ETS1: variants seen among roughly 807,000 people sequenced by gnomAD.
The protein encoded by ETS1 is ETS proto-oncogene 1, transcription factor, also known as protein C-ets-1.
In ETS1, 15 loss-of-function variants were observed where a neutral mutation model predicts 58.6. That is an observed-to-expected ratio of 0.26 (90% CI 0.17 to 0.39). ETS1 has a LOEUF of 0.39. Among genes scored for constraint, ETS1 ranks in the 10% least tolerant of loss-of-function variants. The pLI, the probability that ETS1 is intolerant of heterozygous loss-of-function variation, is 1.00. For missense variants in ETS1, 417 were observed against 610.5 expected (o/e 0.68, Z 3.34); for synonymous variants, 214 against 218.2 (o/e 0.98, Z 0.17).
In ETS1 at chr11:128,586,606, G is replaced by A. The variant is rs188092357; in HGVS notation, c.-15+882C>T. Among the ~76,000 whole-genome samples, 95 of 152,238 alleles carry A rather than the reference G, an allele frequency of 6.2e-4. No homozygotes were observed. In the Middle Eastern group the frequency reaches 0.02, roughly 33 times the overall value. On this transcript the variant is annotated intron_variant, in intron 1 of 9. Coordinates refer to ENST00000392668, the MANE Select transcript of ETS1 (RefSeq NM_001143820.2). ...CATGGCAGTGGTCTAAAGTAAGAAG[G>A]AAAATGGACTTGAGATTAAAAACAA...
chr11:128,566,708 G>A (rs1864507825), intron 2 of ETS1, among the ~76,000 whole-genome samples: 1 of 151,942 alleles, frequency 6.6e-6, no homozygotes. Flanking sequence ...GCGTGAATCT[G>A]GGGGGCAGAG....
intron 3 of ETS1, among the ~76,000 whole-genome samples, chr11:128,531,147 A>T (rs1373692716): frequency 6.6e-6 from 1 of 152,220 alleles, no homozygotes; most frequent in Admixed American, 6.5e-5. Flanking sequence ...GCAACATAGT[A>T]GAGTGGGTTA....
In ETS1 at chr11:128,496,961, TA is replaced by T. The variant is rs1345069552; in HGVS notation, c.215-6386del. On this transcript the variant is annotated intron_variant, in intron 3 of 9. Coordinates refer to ENST00000392668, the MANE Select transcript of ETS1 (RefSeq NM_001143820.2). Reference sequence around the variant, plus strand: ...CTTGGCTCCAGCAAGAGTGAAGCAATAAATGACTCAGTGCCCATGCTGAGGC... The same window carrying T: ...CTTGGCTCCAGCAAGAGTGAAGCAATAATGACTCAGTGCCCATGCTGAGGC... Among the ~76,000 whole-genome samples, 4 of 152,094 alleles carry T rather than the reference TA, an allele frequency of 2.6e-5. No homozygotes were observed. In the East Asian group the frequency reaches 7.7e-4, roughly 29 times the overall value.
intron 2 of ETS1, among the ~76,000 whole-genome samples, chr11:128,557,866 G>A (rs556333718): frequency 3.2e-4 from 48 of 152,266 alleles, no homozygotes; most frequent in Middle Eastern, 3.4e-3. Context: ...GAGAACTTAC[G>A]TCTTCTCTTC....
At chr11:128,573,217 A>G (rs1254454952) in intron 1 of ETS1, 73 bp from the exon 2 acceptor site, 2 of 1,086,900 alleles carry the variant, frequency 1.8e-6, no homozygotes, top group South Asian at 2.7e-5. Flanking sequence ...CAAGGAAGAC[A>G]CGAACCTTAG....
At chr11:128,466,824 A>G (rs1354906691) in intron 8 of ETS1, among the ~76,000 whole-genome samples, 1 of 152,118 alleles carries the variant, frequency 6.6e-6, no homozygotes, top group Non-Finnish European at 1.5e-5. Flanking sequence ...TAGGAAAAGC[A>G]GATACCTAAA....
At chr11:128,561,537 A>G (rs1045896409) in intron 2 of ETS1, among the ~76,000 whole-genome samples, 14 of 152,208 alleles carry the variant, frequency 9.2e-5, no homozygotes, top group Non-Finnish European at 1.6e-4. Flanking sequence ...TGCCTCACTC[A>G]CCTCACTGTA....
At chr11:128,529,121 GAT>G (rs1323191946) in intron 3 of ETS1, 1 of 152,186 alleles carries the variant, frequency 6.6e-6, no homozygotes, top group Non-Finnish European at 1.5e-5. Flanking sequence ...TTATTTGTAA[GAT>G]AAGGGAAATA....
intron 5 of ETS1, among the ~76,000 whole-genome samples, chr11:128,486,460 G>A (rs1430816595): frequency 6.6e-6 from 1 of 152,218 alleles, no homozygotes; most frequent in Admixed American, 6.5e-5. Context: ...CGTGCTGCGT[G>A]TATGTCGACC....
At position 128,462,237 on chromosome 11, in the gene ETS1, C is replaced by T; in HGVS notation, c.*124G>A. ...CAGCTGCAACTGACTTAGCTCCCAC[C>T]CCTGAAGGTAAAAAATGAGTTCTGG... On this transcript the variant is annotated 3_prime_UTR_variant, in exon 10 of 10. Transcript: ENST00000392668. 1 of 743,270 alleles carries T rather than the reference C, an allele frequency of 1.3e-6. No homozygotes were observed. Among genetic ancestry groups the T allele is most frequent in the Non-Finnish European group, 2.2e-6 (1 of 454,600 alleles). The allele number at this position is 743,270 out of a possible 1,614,324, so 46.0% of individuals were successfully genotyped here.
At chr11:128,522,252 C>G (rs1486219425) in intron 3 of ETS1, 3 of 1,181,816 alleles carry the variant, frequency 2.5e-6, no homozygotes, top group Middle Eastern at 6.9e-4. Flanking sequence ...GCTCCTCCTG[C>G]CCGGCCCTCG....
chr11:128,566,892 A>T (rs1283965940), intron 2 of ETS1, among the ~76,000 whole-genome samples: 1 of 152,126 alleles, frequency 6.6e-6, no homozygotes, highest in Non-Finnish European at 1.5e-5. Flanking sequence ...CCCATTCCAC[A>T]GCTGCCTGGA....
At chr11:128,538,776 ACACACACACAC>A (rs1864010845) in intron 3 of ETS1, among the ~76,000 whole-genome samples, 1 of 151,760 alleles carries the variant, frequency 6.6e-6, no homozygotes, top group Non-Finnish European at 1.5e-5. Context: ...ACACACACAC[ACACACACACAC>A]ACACCAAACC....
intron 3 of ETS1, among the ~76,000 whole-genome samples, chr11:128,502,452 G>A (rs1301196169): frequency 1.3e-5 from 2 of 152,108 alleles, no homozygotes; most frequent in Non-Finnish European, 2.9e-5. Context: ...TCAACTCTAT[G>A]GTTTCTGAAA....
intron 1 of ETS1, among the ~76,000 whole-genome samples, chr11:128,575,883 A>G (rs1864736483): frequency 6.6e-6 from 1 of 152,222 alleles, no homozygotes. Flanking sequence ...GGACTTTTGG[A>G]ATTGGCAGCC....
At chr11:128,558,667 A>T (rs1382644950) in intron 2 of ETS1, among the ~76,000 whole-genome samples, 3 of 2,910 alleles carry the variant, frequency 1.0e-3, no homozygotes, top group Non-Finnish European at 1.9e-3. Context: ...AAAAAAAAAA[A>T]AAAAAAAAAA....
intron 3 of ETS1, among the ~76,000 whole-genome samples, chr11:128,534,717 G>C (rs1863947544): frequency 6.6e-6 from 1 of 152,140 alleles, no homozygotes; most frequent in Non-Finnish European, 1.5e-5. Context: ...GAGGAGAATG[G>C]CTTCCAGGTC....
chr11:128,559,757 G>C (rs1216558377), intron 2 of ETS1, among the ~76,000 whole-genome samples: 1 of 152,120 alleles, frequency 6.6e-6, no homozygotes. Flanking sequence ...TTACTCAAGA[G>C]AACAACATCA....
At chr11:128,476,669 C>T (rs1190005069) in intron 8 of ETS1, among the ~76,000 whole-genome samples, 21 of 152,136 alleles carry the variant, frequency 1.4e-4, no homozygotes, top group Admixed American at 1.4e-3. Flanking sequence ...ACTTGGAAAG[C>T]GTTTTGCTTA....
Sources: allele counts gnomAD v4.1 joint callset (sites outside exome capture counted in the v4.1 genomes callset), GRCh38; gene constraint gnomAD v4.1.1; transcripts MANE v1.5; gene names NCBI Gene and HGNC (gene_info 2026-07-23, HGNC 2026-07-21).